Variants in SORCS3 observed in about 807,000 individuals in gnomAD.
SORCS3 encodes VPS10 domain-containing receptor SorCS3.
SORCS3 carries 57 observed loss-of-function variants against 146.3 expected under a neutral mutation model. That is an observed-to-expected ratio of 0.39 (90% CI 0.31 to 0.49). SORCS3 has a LOEUF of 0.49. Among genes scored for constraint, SORCS3 ranks in the 20% least tolerant of loss-of-function variants. The probability of loss-of-function intolerance (pLI) is 0.92; values close to 1 mark genes in which losing one functional copy is unlikely to be tolerated. For synonymous variants in SORCS3, 653 were observed against 618.5 expected, an observed-to-expected ratio of 1.06 and a Z score of -0.83; for missense variants, 1,341 against 1,575.5, an observed-to-expected ratio of 0.85 and a Z score of 2.52.
At chr10:104,746,504 T>G (rs1241851980) in intron 1 of SORCS3, among the ~76,000 whole-genome samples, 1 of 152,266 alleles carries the variant, frequency 6.6e-6, no homozygotes, top group Non-Finnish European at 1.5e-5. Context: ...ATACTTACCA[T>G]TTTTTGTGGT....
At chr10:105,079,051 A>G (rs790732) in intron 5 of SORCS3, among the ~76,000 whole-genome samples, 47,192 of 152,050 alleles carry the variant, frequency 0.31, 7,554 homozygotes, top group Admixed American at 0.39. Flanking sequence ...CTCCTGGTTA[A>G]TGATTCTCAA....
intron 1 of SORCS3, among the ~76,000 whole-genome samples, chr10:104,764,537 T>G (rs530072040): frequency 6.6e-6 from 1 of 152,362 alleles, no homozygotes; most frequent in South Asian, 2.1e-4. Context: ...TTTTATGCTT[T>G]ACACATTCTG....
At chr10:104,949,639 G>T (rs191800558) in intron 3 of SORCS3, among the ~76,000 whole-genome samples, 1 of 152,340 alleles carries the variant, frequency 6.6e-6, no homozygotes, top group Admixed American at 6.5e-5. Flanking sequence ...GCTTAGACTA[G>T]GTAGGTTTTG....
intron 1 of SORCS3, among the ~76,000 whole-genome samples, chr10:104,786,278 G>A (rs1282910748): frequency 6.6e-6 from 1 of 150,416 alleles, no homozygotes; most frequent in Non-Finnish European, 1.5e-5. Flanking sequence ...AAAAAAAAGT[G>A]TAGTGGCTCT....
intron 4 of SORCS3, among the ~76,000 whole-genome samples, chr10:105,021,712 C>A (rs928855191): frequency 4.6e-5 from 7 of 152,214 alleles, no homozygotes; most frequent in African/African-American, 1.7e-4. Context: ...TTACAAGTAC[C>A]AGGAAGCCAC....
intron 17 of SORCS3, among the ~76,000 whole-genome samples, chr10:105,213,173 G>C (rs763918394): frequency 7.9e-5 from 12 of 152,106 alleles, no homozygotes; most frequent in Non-Finnish European, 1.8e-4. Context: ...CAAAAAAGAT[G>C]TATATATGCA....
intron 21 of SORCS3, among the ~76,000 whole-genome samples, chr10:105,245,899 G>A (rs1426020435): frequency 6.6e-6 from 1 of 152,120 alleles, no homozygotes; most frequent in Non-Finnish European, 1.5e-5. Context: ...AACTTGTTTG[G>A]GGTTCTTATT....
intron 5 of SORCS3, among the ~76,000 whole-genome samples, chr10:105,057,912 A>G (rs146422038): frequency 2.0e-5 from 3 of 152,278 alleles, no homozygotes; most frequent in Non-Finnish European, 4.4e-5. Context: ...AATCTTTCCA[A>G]ATCAGGACAC....
At chr10:105,242,843 T>C (rs1399684922) in intron 20 of SORCS3, among the ~76,000 whole-genome samples, 1 of 103,598 alleles carries the variant, frequency 9.7e-6, no homozygotes, top group East Asian at 2.6e-4. Flanking sequence ...TATATATATT[T>C]TTATATATAA....
At chr10:104,784,511 A>T (rs1014462813) in intron 1 of SORCS3, among the ~76,000 whole-genome samples, 3 of 152,216 alleles carry the variant, frequency 2.0e-5, no homozygotes, top group African/African-American at 7.2e-5. Context: ...TTCTTTTGTG[A>T]CCAGGAGTGT....
At chr10:105,116,873 G>A (rs967109046) in intron 7 of SORCS3, among the ~76,000 whole-genome samples, 33 of 152,132 alleles carry the variant, frequency 2.2e-4, no homozygotes, top group African/African-American at 7.5e-4. Flanking sequence ...GGTAGACCCC[G>A]AGGCCTACTT....
intron 2 of SORCS3, among the ~76,000 whole-genome samples, chr10:104,884,908 G>C (rs961693351): frequency 3.3e-5 from 5 of 151,998 alleles, no homozygotes; most frequent in African/African-American, 1.2e-4. Context: ...ACCTGGACTA[G>C]TTATTCTGCC....
At position 104,724,727 on chromosome 10, in the gene SORCS3, G is replaced by C. The variant is rs530085353; in HGVS notation, c.627+82773G>C. Among the ~76,000 whole-genome samples the C allele has an allele frequency of 7.9e-5, 12 of 152,036 alleles. No homozygotes were observed. The South Asian group carries it at 1.5e-3, about 18-fold the overall frequency. On this transcript the variant is annotated intron_variant, in intron 1 of 26. Transcript: ENST00000369701. The stretch of plus-strand genomic sequence containing the variant: ...TCTTCTTGCTTCATTTCATTCATTT[G>C]ATCTTCCATCACTGATACCCTTTCT...
intron 1 of SORCS3, among the ~76,000 whole-genome samples, chr10:104,825,496 A>G (rs1327257675): frequency 2.6e-5 from 4 of 152,208 alleles, no homozygotes; most frequent in African/African-American, 7.2e-5. Context: ...GAGGTTTCAC[A>G]TTAGTGGCAT....
At chr10:104,906,154 T>C (rs7912437) in intron 2 of SORCS3, among the ~76,000 whole-genome samples, 55,445 of 152,124 alleles carry the variant, frequency 0.36, 13,275 homozygotes, top group African/African-American at 0.68. Context: ...GATAAACATA[T>C]TTATTTTTTA....
chr10:105,161,068 G>A (rs968679806), intron 11 of SORCS3, among the ~76,000 whole-genome samples: 5 of 152,178 alleles, frequency 3.3e-5, no homozygotes, highest in Admixed American at 6.5e-5. Flanking sequence ...TTGTAAATTA[G>A]CAAACACACA....
chr10:104,715,495 A>T (rs2016465896), intron 1 of SORCS3, among the ~76,000 whole-genome samples: 1 of 152,082 alleles, frequency 6.6e-6, no homozygotes, highest in African/African-American at 2.4e-5. Flanking sequence ...AGATCATGGG[A>T]CTTCTCAGCC....
At position 104,915,872 on chromosome 10, in the gene SORCS3, C is replaced by T. The variant is rs2133600251; in HGVS notation, c.735C>T (p.Asp245=). The change falls in exon 3 of 27, where the codon GAC becomes GAT. Residue 245 remains aspartate (D), a synonymous_variant. Transcript: ENST00000369701. ...GCACCACCTATGAAAAGCTGAATGA[C>T]AAAGTGGGTTTGAAGACTGTCCTCA... ...DYGTTYEKLN[D]KVGLKTVLSY... is the part of the protein sequence containing the mutation. 6.2e-7 allele frequency: 1 copy of T among 1,614,062 alleles called. No homozygotes were observed.
intron 5 of SORCS3, among the ~76,000 whole-genome samples, chr10:105,067,314 G>A (rs1483122327): frequency 6.6e-6 from 1 of 152,184 alleles, no homozygotes; most frequent in African/African-American, 2.4e-5. Context: ...ATCACCTGAG[G>A]TCAGGAGTTC....
Sources: gnomAD v4.1 joint callset for allele counts (sites outside exome capture counted in the v4.1 genomes callset) on GRCh38, gnomAD v4.1.1 for gene constraint, MANE v1.5 for transcripts, NCBI Gene and HGNC (gene_info 2026-07-23, HGNC 2026-07-21) for gene names.